Variants in ASB18 observed in about 807,000 individuals in gnomAD.
ASB18 encodes the protein ankyrin repeat and SOCS box containing 18.
Under a neutral mutation model 33.4 loss-of-function variants are expected in ASB18, and 33 were observed. The observed-to-expected ratio is 0.99, with a 90% CI of 0.75 to 1.32. The LOEUF (loss-of-function observed/expected upper bound fraction) is 1.32, where lower values mean the gene tolerates loss of function less well. Ranked by LOEUF, ASB18 falls within the 40% of genes most tolerant of loss-of-function variation. The pLI is 0.00. For synonymous variants in ASB18, 295 were observed against 307.6 expected (o/e 0.96, Z 0.43); for missense variants, 694 against 655.5 (o/e 1.06, Z -0.64).
rs2060518422 is a variant in ASB18, at chr2:236,222,779, G to GTAT, written c.597-7914_597-7913insATA. On this transcript the variant is annotated intron_variant, in intron 3 of 5. Coordinates refer to ENST00000409749, the MANE Select transcript of ASB18 (RefSeq NM_212556.4). This position sits in a 1 kb window ranked among gnomAD's most constrained non-coding sequence, Gnocchi z 5.5. Reference sequence around the variant, plus strand: ...TCACGCCTGTAATCCCAACACTTTGGGAGGCCGAGGTATGTGGATCACCTG... The same window carrying GTAT: ...TCACGCCTGTAATCCCAACACTTTGGTATGAGGCCGAGGTATGTGGATCACCTG... Among the ~76,000 whole-genome samples, 1 of 152,194 alleles carries GTAT rather than the reference G, an allele frequency of 6.6e-6. No homozygotes were observed. Among genetic ancestry groups the GTAT allele is most frequent in the African/African-American group, 2.4e-5 (1 of 41,446 alleles).
In ASB18 at chr2:236,235,318, C is replaced by T. The variant is rs571343607; in HGVS notation, c.596+2371G>A. ...GTATTCAGTACAGTAGCATGCTGTCCAGGTTTGTAGCCTGGGAGCCAGAGG... is the reference window on the plus strand; with the variant it reads ...GTATTCAGTACAGTAGCATGCTGTCTAGGTTTGTAGCCTGGGAGCCAGAGG... On this transcript the variant is annotated intron_variant, in intron 3 of 5. Coordinates refer to ENST00000409749, the MANE Select transcript of ASB18 (RefSeq NM_212556.4). This position sits in a 1 kb window ranked among gnomAD's most constrained non-coding sequence, Gnocchi z 6.2. Among the ~76,000 whole-genome samples, 3 of 152,314 alleles carry T rather than the reference C, an allele frequency of 2.0e-5. No individual in the cohort carries two copies. In the East Asian group the frequency reaches 5.8e-4, roughly 29 times the overall value.
In ASB18 at chr2:236,211,306, G is replaced by C. The variant is rs969305162; in HGVS notation, c.1101+3056C>G. Among the ~76,000 whole-genome samples, 13 of 152,210 alleles carry C rather than the reference G, an allele frequency of 8.5e-5. No individual in the cohort carries two copies. The highest frequency in any genetic ancestry group is 8.5e-4 in the Admixed American group (13 of 15,284). On this transcript the variant is annotated intron_variant, in intron 4 of 5. Transcript: ENST00000409749. This position sits in a 1 kb window ranked among gnomAD's most constrained non-coding sequence, Gnocchi z 5.0. ...TGCCCCCAGTGTTAACTAGCGGTCA[G>C]CCAGGCAGAAAGGCCTGGCACTGTC...
At position 236,209,463 on chromosome 2, in the gene ASB18, T is replaced by TCTCA. The variant is rs552720719; in HGVS notation, c.1101+4895_1101+4898dup. Among the ~76,000 whole-genome samples the TCTCA allele has an allele frequency of 1.8e-3, 276 of 152,188 alleles. 3 individuals are homozygous for TCTCA. Among genetic ancestry groups the TCTCA allele is most frequent in the Admixed American group, 0.018 (274 of 15,284 alleles). On this transcript the variant is annotated intron_variant, in intron 4 of 5. Coordinates refer to ENST00000409749, the MANE Select transcript of ASB18 (RefSeq NM_212556.4). This position sits in a 1 kb window ranked among gnomAD's most constrained non-coding sequence, Gnocchi z 4.4. ...AATTTAATTTTTTGTGGAGATGGTGTCTCACTATGTTGTCTAGGCCAGTCT... is the reference window on the plus strand; with the variant it reads ...AATTTAATTTTTTGTGGAGATGGTGTCTCACTCACTATGTTGTCTAGGCCAGTCT...
Position 236,239,164 on chromosome 2 carries a change from C to A in ASB18, c.329-1208G>T, listed in dbSNP as rs570603314. ...TGTAGTCTATCTACATTGTTATCCC[C>A]GTGATAACAATAACCTACATTCCTG... On this transcript the variant is annotated intron_variant, in intron 2 of 5. Transcript: ENST00000409749. The surrounding 1 kb of genome is among the most constrained non-coding windows in gnomAD (Gnocchi z 5.6). 1.3e-5 allele frequency among the ~76,000 whole-genome samples: 2 copies of A among 152,174 alleles called. No individual in the cohort carries two copies. Among genetic ancestry groups the A allele is most frequent in the South Asian group, 2.1e-4 (1 of 4,828 alleles).
rs1257222205 is a variant in ASB18 at position 236,193,569 on chromosome 2, G to C, written c.*1303C>G. On this transcript the variant is annotated 3_prime_UTR_variant, in exon 6 of 6. Transcript: ENST00000409749. This position sits in a 1 kb window ranked among gnomAD's most constrained non-coding sequence, Gnocchi z 5.0. Reference sequence around the variant, plus strand: ...CCCAGCACTTTGGGAGGCCGAGGCGGGCAGATCACCTGAGATCGGGAGTTT... The same window carrying C: ...CCCAGCACTTTGGGAGGCCGAGGCGCGCAGATCACCTGAGATCGGGAGTTT... Among the ~76,000 whole-genome samples the C allele has an allele frequency of 6.6e-6, 1 of 152,178 alleles. No individual in the cohort carries two copies. The highest frequency in any genetic ancestry group is 6.5e-5 in the Admixed American group (1 of 15,276).
intron 3 of ASB18, among the ~76,000 whole-genome samples, chr2:236,236,017 C>T (rs1182298002): frequency 6.6e-6 from 1 of 152,128 alleles, no homozygotes; most frequent in Non-Finnish European, 1.5e-5. Context: ...CTTAATCATA[C>T]CGTGTGACCT....
intron 1 of ASB18, among the ~76,000 whole-genome samples, chr2:236,243,110 C>G (rs2060629081): frequency 6.8e-6 from 1 of 147,844 alleles, no homozygotes; most frequent in Non-Finnish European, 1.5e-5. Context: ...GCGGGTGGAT[C>G]ACGAGGTCAG....
chr2:236,221,808 G>A lies in ASB18; in HGVS notation c.597-6942C>T, dbSNP rs899301761. Among the ~76,000 whole-genome samples the A allele has an allele frequency of 6.6e-6, 1 of 152,200 alleles. No individual in the cohort carries two copies. The highest frequency in any genetic ancestry group is 2.4e-5 in the African/African-American group (1 of 41,448). ...GACAGAAGGGGTTGAGCACTACACA[G>A]TGTGTTCAGTGGGGGTAATGGGTGT... On this transcript the variant is annotated intron_variant, in intron 3 of 5. Coordinates refer to ENST00000409749, the MANE Select transcript of ASB18 (RefSeq NM_212556.4). The surrounding 1 kb of genome is among the most constrained non-coding windows in gnomAD (Gnocchi z 5.6).
At position 236,259,718 on chromosome 2, in the gene ASB18, A is replaced by G. The variant is rs2060709662; in HGVS notation, c.205+4423T>C. 7.6e-6 allele frequency: 3 copies of G among 396,820 alleles called. No homozygotes were observed. The highest frequency in any genetic ancestry group is 1.6e-5 in the Non-Finnish European group (3 of 191,112). The allele number at this position is 396,820 out of a possible 1,614,324, so 24.6% of individuals were successfully genotyped here. A position where few individuals can be genotyped will look rare whatever the true frequency, so the allele number is the denominator to read the frequency against. On this transcript the variant is annotated intron_variant, in intron 1 of 5. Transcript: ENST00000409749. The surrounding 1 kb of genome is among the most constrained non-coding windows in gnomAD (Gnocchi z 4.4). ...GCAGGATGTTGGGCATCTCAGGTCC[A>G]TCCTTGCAGGAGAGCAGGTGCCTTC...
rs779821685 is a variant in ASB18, at chr2:236,203,740, A to G, written c.1102-7355T>C. Among the ~76,000 whole-genome samples, 2 of 152,116 alleles carry G rather than the reference A, an allele frequency of 1.3e-5. No homozygotes were observed. The highest frequency in any genetic ancestry group is 2.4e-5 in the African/African-American group (1 of 41,410). On this transcript the variant is annotated intron_variant, in intron 4 of 5. Coordinates refer to ENST00000409749, the MANE Select transcript of ASB18 (RefSeq NM_212556.4). This position sits in a 1 kb window ranked among gnomAD's most constrained non-coding sequence, Gnocchi z 6.0. ...AACTTAGCTGGGTGTGATGGTGTGCATCTGTAATCCCAGCTACCCAGGAGA... is the reference window on the plus strand; with the variant it reads ...AACTTAGCTGGGTGTGATGGTGTGCGTCTGTAATCCCAGCTACCCAGGAGA...
rs1343557835 is a variant in ASB18, at chr2:236,255,332, C to CG, written c.205+8808dup. On this transcript the variant is annotated intron_variant, in intron 1 of 5. Transcript: ENST00000409749. This position sits in a 1 kb window ranked among gnomAD's most constrained non-coding sequence, Gnocchi z 4.4. ...CTAATTTATATATTTTTTGTAGAGACGGGGTTTCACCATGTTGGCCAGACT... is the reference window on the plus strand; with the variant it reads ...CTAATTTATATATTTTTTGTAGAGACGGGGGTTTCACCATGTTGGCCAGACT... 1.3e-5 allele frequency among the ~76,000 whole-genome samples: 2 copies of CG among 151,958 alleles called. No individual in the cohort carries two copies. The highest frequency in any genetic ancestry group is 2.9e-5 in the Non-Finnish European group (2 of 67,978).
At chr2:236,243,047 A>AAAAG (rs1216890088) in intron 1 of ASB18, among the ~76,000 whole-genome samples, 1 of 110,504 alleles carries the variant, frequency 9.0e-6, no homozygotes, top group Non-Finnish European at 1.8e-5. Context: ...AAAAAAAAAA[A>AAAAG]GGGCTGGGCG....
In ASB18 at chr2:236,194,886, C is replaced by T. The variant is rs1032796815; in HGVS notation, c.1387G>A (p.Gly463Ser). 1.9e-6 allele frequency: 3 copies of T among 1,613,230 alleles called. No individual in the cohort carries two copies. The highest frequency in any genetic ancestry group is 3.3e-5 in the Admixed American group (2 of 59,928). The change falls in exon 6 of 6, where the codon GGT (glycine) becomes AGT (serine). Residue 463 changes from glycine to serine, a missense_variant. Transcript: ENST00000409749. The surrounding 1 kb of genome is among the most constrained non-coding windows in gnomAD (Gnocchi z 4.5). ...LQNYLLLEPQ[G>S]VLH ...CGTTCTGCGTTTCAGTGCAAAACACCCTGTGGCTCCAAAAGTAGGTAATTC... is the reference window on the plus strand; with the variant it reads ...CGTTCTGCGTTTCAGTGCAAAACACTCTGTGGCTCCAAAAGTAGGTAATTC...
chr2:236,195,069 G>C lies in ASB18; in HGVS notation c.1216-12C>G. The stretch of plus-strand genomic sequence containing the variant: ...AACGGCTTGTGCATCTGGAAGGGAA[G>C]GCAGGTGGATTAGAAATCTGGGCAC... On this transcript the variant is annotated splice_polypyrimidine_tract_variant and intron_variant, in intron 5 of 5. Transcript: ENST00000409749. The surrounding 1 kb of genome is among the most constrained non-coding windows in gnomAD (Gnocchi z 5.5). 1 of 1,602,402 alleles carries C rather than the reference G, an allele frequency of 6.2e-7. No individual in the cohort carries two copies. Among genetic ancestry groups the C allele is most frequent in the Non-Finnish European group, 8.5e-7 (1 of 1,172,778 alleles).
In ASB18 at chr2:236,237,767, T is replaced by C; in HGVS notation, c.518A>G (p.Gln173Arg). 6.9e-7 allele frequency: 1 copy of C among 1,447,910 alleles called. No homozygotes were observed. The highest frequency in any genetic ancestry group is 9.0e-7 in the Non-Finnish European group (1 of 1,105,020). The allele number at this position is 1,447,910 out of a possible 1,614,324, so 89.7% of individuals were successfully genotyped here. A position where few individuals can be genotyped will look rare whatever the true frequency, so the allele number is the denominator to read the frequency against. Reference sequence around the variant, plus strand: ...GAGCAGGTCGGGGTCGGCGCGGTGCTGCAGCAGCAGGCGGACGCAGGCGGT... The same window carrying C: ...GAGCAGGTCGGGGTCGGCGCGGTGCCGCAGCAGCAGGCGGACGCAGGCGGT... ...GHTACVRLLL[Q>R]HRADPDLLSA... The change falls in exon 3 of 6, where the codon CAG becomes CGG. Residue 173 changes from glutamine to arginine, a missense_variant. Physicochemically the swap from Gln to Arg is conservative, Grantham distance 43. Coordinates refer to ENST00000409749, the MANE Select transcript of ASB18 (RefSeq NM_212556.4). This position sits in a 1 kb window ranked among gnomAD's most constrained non-coding sequence, Gnocchi z 6.2.
At position 236,245,447 on chromosome 2, in the gene ASB18, CTCACCG is replaced by C. The variant is rs1440999702; in HGVS notation, c.206-4051_206-4046del. On this transcript the variant is annotated intron_variant, in intron 1 of 5. Coordinates refer to ENST00000409749, the MANE Select transcript of ASB18 (RefSeq NM_212556.4). This position sits in a 1 kb window ranked among gnomAD's most constrained non-coding sequence, Gnocchi z 4.7. ...GAGTAAAAGGGCTTCCTACCTTGCCCTCACCGTTGTCCCTGGAGCATGCCACACCTT... is the reference window on the plus strand; with the variant it reads ...GAGTAAAAGGGCTTCCTACCTTGCCCTTGTCCCTGGAGCATGCCACACCTT... Among the ~76,000 whole-genome samples the C allele has an allele frequency of 6.6e-6, 1 of 152,228 alleles. No homozygotes were observed. The highest frequency in any genetic ancestry group is 1.5e-5 in the Non-Finnish European group (1 of 68,046).
At position 236,257,336 on chromosome 2, in the gene ASB18, C is replaced by G. The variant is rs112819843; in HGVS notation, c.205+6805G>C. Among the ~76,000 whole-genome samples, 6 of 152,320 alleles carry G rather than the reference C, an allele frequency of 3.9e-5. No individual in the cohort carries two copies. Among genetic ancestry groups the G allele is most frequent in the African/African-American group, 9.6e-5 (4 of 41,568 alleles). The stretch of plus-strand genomic sequence containing the variant: ...AGCAGGGTCTCCCTGCCCCCACGCT[C>G]TCTGGTGGAGTGAGCAGTCAAGACA... On this transcript the variant is annotated intron_variant, in intron 1 of 5. Transcript: ENST00000409749. The surrounding 1 kb of genome is among the most constrained non-coding windows in gnomAD (Gnocchi z 5.5).
At position 236,196,264 on chromosome 2, in the gene ASB18, C is replaced by G; in HGVS notation, c.1215+8G>C. Reference sequence around the variant, plus strand: ...TACTAAAGATGGGCAGAAAGGCAGCCCTCTTGCCTGGAATACTTCCTCAGG... The same window carrying G: ...TACTAAAGATGGGCAGAAAGGCAGCGCTCTTGCCTGGAATACTTCCTCAGG... On this transcript the variant is annotated splice_region_variant and intron_variant, in intron 5 of 5. Transcript: ENST00000409749. The surrounding 1 kb of genome is among the most constrained non-coding windows in gnomAD (Gnocchi z 5.6). 4 of 1,475,558 alleles carry G rather than the reference C, an allele frequency of 2.7e-6. No homozygotes were observed. Among genetic ancestry groups the G allele is most frequent in the Non-Finnish European group, 3.7e-6 (4 of 1,077,008 alleles). The allele number at this position is 1,475,558 out of a possible 1,614,324, so 91.4% of individuals were successfully genotyped here. A position where few individuals can be genotyped will look rare whatever the true frequency, so the allele number is the denominator to read the frequency against.
chr2:236,230,673 A>T (rs761029059), intron 3 of ASB18, among the ~76,000 whole-genome samples: 1 of 151,770 alleles, frequency 6.6e-6, no homozygotes, highest in Non-Finnish European at 1.5e-5. Context: ...AGTGTGATAA[A>T]ATAAAGATGT....
Sources: gnomAD v4.1 joint callset for allele counts (sites outside exome capture counted in the v4.1 genomes callset) on GRCh38, gnomAD v4.1.1 for gene constraint, Gnocchi (gnomAD v3.1) non-coding constraint, MANE v1.5 for transcripts, NCBI Gene and HGNC (gene_info 2026-07-23, HGNC 2026-07-21) for gene names.